The following ZFP64 variants were observed in gnomAD, a reference collection of about 807,000 sequenced individuals.
ZFP64 encodes the protein zinc finger protein 64.
A neutral mutation model predicts 51.6 loss-of-function variants in ZFP64; 14 were observed. The observed-to-expected ratio is 0.27, with a 90% CI of 0.18 to 0.42. ZFP64 has a LOEUF of 0.42. Ranked by LOEUF, ZFP64 falls within the 10% of genes least tolerant of loss-of-function variation. ZFP64 has a pLI of 1.00. For synonymous variants in ZFP64, 375 were observed against 361.4 expected, an observed-to-expected ratio of 1.04 and a Z score of -0.43; for missense variants, 754 against 906.8, an observed-to-expected ratio of 0.83 and a Z score of 2.16.
intron 7 of ZFP64, among the ~76,000 whole-genome samples, chr20:52,095,396 G>A (rs6096749): frequency 0.26 from 39,723 of 152,044 alleles, 6,979 homozygotes; most frequent in African/African-American, 0.51. Flanking sequence ...TGAGACCACC[G>A]GGCCAGTGCC....
intron 6 of ZFP64, among the ~76,000 whole-genome samples, chr20:52,098,172 C>CA (rs34173401): frequency 0.7 from 86,527 of 123,956 alleles, 30,141 homozygotes; most frequent in South Asian, 0.83. Context: ...AAACTGTCTC[C>CA]AAAAAAAAAA....
At chr20:52,105,145 C>A (rs1319691480) in intron 5 of ZFP64, 1 of 1,438,552 alleles carries the variant, frequency 7.0e-7, no homozygotes, top group South Asian at 1.5e-5. Context: ...GCTCCCCCGC[C>A]ACCTGCGGGG....
At chr20:52,092,346 G>A (rs901597537) in intron 7 of ZFP64, among the ~76,000 whole-genome samples, 1 of 151,580 alleles carries the variant, frequency 6.6e-6, no homozygotes, top group Admixed American at 6.6e-5. Context: ...TGTAACAATC[G>A]AAGATGTCTC....
intron 2 of ZFP64, among the ~76,000 whole-genome samples, chr20:52,186,399 T>C (rs769332468): frequency 1.3e-5 from 2 of 152,014 alleles, no homozygotes; most frequent in East Asian, 3.9e-4. Flanking sequence ...GGGGAGGAGA[T>C]ACCAATGCCA....
At chr20:52,121,524 G>T (rs1357922540) in intron 5 of ZFP64, among the ~76,000 whole-genome samples, 3 of 152,206 alleles carry the variant, frequency 2.0e-5, no homozygotes, top group Non-Finnish European at 4.4e-5. Context: ...TTAAGTCTAT[G>T]AAGGCTGAGA....
At chr20:52,146,295 C>T (rs1253220478), downstream of ZFP64, among the ~76,000 whole-genome samples, 1 of 152,114 alleles carries the variant, frequency 6.6e-6, no homozygotes, top group Non-Finnish European at 1.5e-5. Flanking sequence ...TTTATTGCGG[C>T]ACTATTCATA....
chr20:52,108,861 A>AAC (rs57127987), intron 5 of ZFP64, among the ~76,000 whole-genome samples: 41,834 of 139,408 alleles, frequency 0.3, 6,084 homozygotes, highest in East Asian at 0.39. Flanking sequence ...GAAAATCTGA[A>AAC]ACACACACAC....
At chr20:52,084,835 T>A (rs755219736) in exon 9 of ZFP64, 5 of 1,614,102 alleles carry the variant, frequency 3.1e-6, no homozygotes, top group Non-Finnish European at 4.2e-6. Context: ...GGGGCCCGGT[T>A]CTCCGTCTTG....
At chr20:52,146,099 A>G (rs1221735852) in intron 5 of ZFP64, among the ~76,000 whole-genome samples, 2 of 152,024 alleles carry the variant, frequency 1.3e-5, no homozygotes, top group African/African-American at 2.4e-5. Context: ...AAACTAAGAC[A>G]CAAACATGCG....
chr20:52,154,567 A>G (rs909373837), intron 5 of ZFP64, among the ~76,000 whole-genome samples: 1 of 152,206 alleles, frequency 6.6e-6, no homozygotes, highest in African/African-American at 2.4e-5. Flanking sequence ...AGGATCTGCT[A>G]CTTCACCATG....
intron 5 of ZFP64, among the ~76,000 whole-genome samples, chr20:52,113,191 A>G (rs1978684789): frequency 6.6e-6 from 1 of 151,604 alleles, no homozygotes; most frequent in Non-Finnish European, 1.5e-5. Context: ...AAAATTAGCC[A>G]GGCGTGGTGG....
intron 5 of ZFP64, among the ~76,000 whole-genome samples, chr20:52,109,062 G>A (rs965781866): frequency 2.0e-5 from 3 of 152,106 alleles, no homozygotes; most frequent in Admixed American, 6.6e-5. Context: ...ATAATCAGGA[G>A]CTTCTGCAAA....
At chr20:52,111,997 G>A (rs1256798182) in intron 5 of ZFP64, among the ~76,000 whole-genome samples, 2 of 149,990 alleles carry the variant, frequency 1.3e-5, no homozygotes, top group African/African-American at 2.5e-5. Flanking sequence ...CACGAGAATC[G>A]CTTGAACCCA....
At chr20:52,183,559 A>C (rs971478392) in intron 2 of ZFP64, among the ~76,000 whole-genome samples, 2 of 152,090 alleles carry the variant, frequency 1.3e-5, no homozygotes, top group African/African-American at 4.8e-5. Flanking sequence ...CCTGGTGCAA[A>C]ATAATTAGGT....
Position 52,160,101 on chromosome 20 carries a change from G to A in ZFP64, c.763+22C>T. ...CCATAGAAAGTGAGGAGCGTAGAGA[G>A]CAAATAACAGGCAGGACTCACCCGT... is the stretch of plus-strand genomic sequence containing the variant. On this transcript the variant is annotated intron_variant, in intron 5 of 5. Transcript: ENST00000216923. This position sits in a 1 kb window ranked among gnomAD's most constrained non-coding sequence, Gnocchi z 4.2. 5.6e-6 allele frequency: 9 copies of A among 1,614,198 alleles called. No individual in the cohort carries two copies. Among genetic ancestry groups the A allele is most frequent in the Non-Finnish European group, 7.6e-6 (9 of 1,180,042 alleles).
At chr20:52,095,035 G>A (rs988490005) in intron 7 of ZFP64, among the ~76,000 whole-genome samples, 2 of 152,214 alleles carry the variant, frequency 1.3e-5, no homozygotes, top group Non-Finnish European at 2.9e-5. Context: ...GGTCAAATAC[G>A]AAGTCAGAAA....
chr20:52,176,019 C>G (rs933163219), intron 2 of ZFP64: 1 of 965,954 alleles, frequency 1.0e-6, no homozygotes, highest in Non-Finnish European at 1.2e-6. Flanking sequence ...CTGTTGGAAG[C>G]CCTGACCACG....
At chr20:52,136,801 C>A (rs1326888487) in intron 5 of ZFP64, among the ~76,000 whole-genome samples, 1 of 152,168 alleles carries the variant, frequency 6.6e-6, no homozygotes, top group Non-Finnish European at 1.5e-5. Context: ...GAGTCTCACT[C>A]TGTCTCCCAG....
At chr20:52,187,256 A>G (rs1262892051) in intron 1 of ZFP64, among the ~76,000 whole-genome samples, 185 bp from the exon 2 acceptor site, 2 of 152,230 alleles carry the variant, frequency 1.3e-5, no homozygotes, top group South Asian at 2.1e-4. Context: ...AAGGTATCAT[A>G]TTTCCACACA....
Sources: gnomAD v4.1 joint callset for allele counts (sites outside exome capture counted in the v4.1 genomes callset) on GRCh38, gnomAD v4.1.1 for gene constraint, Gnocchi (gnomAD v3.1) non-coding constraint, MANE v1.5 for transcripts, NCBI Gene and HGNC (gene_info 2026-07-23, HGNC 2026-07-21) for gene names.